The following ZNF90 variants were observed in gnomAD, a reference collection of about 807,000 sequenced individuals.
The protein encoded by ZNF90 is zinc finger protein 90, also known as zinc finger protein HTF9.
A neutral mutation model predicts 12.0 loss-of-function variants in ZNF90; 11 were observed. That is an observed-to-expected ratio of 0.92 (90% CI 0.58 to 1.52). The LOEUF is 1.52. Ranked by LOEUF, ZNF90 falls within the 40% of genes most tolerant of loss-of-function variation. The pLI is 0.00. For missense variants in ZNF90, 765 were observed against 711.5 expected (o/e 1.08, Z -0.86); for synonymous variants, 232 against 240.1 (o/e 0.97, Z 0.31).
intron 3 of ZNF90, among the ~76,000 whole-genome samples, chr19:20,107,325 A>G (rs2089048731): frequency 6.6e-6 from 1 of 152,166 alleles, no homozygotes; most frequent in Non-Finnish European, 1.5e-5. Flanking sequence ...AGCGGGACCA[A>G]GTTGGGTAAA....
intron 1 of ZNF90, among the ~76,000 whole-genome samples, chr19:20,098,019 T>C (rs1244001012): frequency 2.0e-5 from 3 of 152,232 alleles, no homozygotes; most frequent in Non-Finnish European, 4.4e-5. Flanking sequence ...AGTGTAGATT[T>C]CAGGCAACTT....
In ZNF90 at chr19:20,120,561, T is replaced by TA. The variant is rs1555706444; in HGVS notation, c.*1202dup. Among the ~76,000 whole-genome samples, 3 of 152,142 alleles carry TA rather than the reference T, an allele frequency of 2.0e-5. No individual in the cohort carries two copies. Among genetic ancestry groups the TA allele is most frequent in the African/African-American group, 4.8e-5 (2 of 41,442 alleles). On this transcript the variant is annotated 3_prime_UTR_variant, in exon 4 of 4. Transcript: ENST00000418063. ...AGCTTAGAAAACACCAGAGAGTTGATACTAAAATATATGTTTGCAGAAACA... is the reference window on the plus strand; with the variant it reads ...AGCTTAGAAAACACCAGAGAGTTGATAACTAAAATATATGTTTGCAGAAACA...
rs1247840844 is a variant in ZNF90, at chr19:20,119,457, CT to C, written c.*98del. 1 of 976,744 alleles carries C rather than the reference CT, an allele frequency of 1.0e-6. No homozygotes were observed. Among genetic ancestry groups the C allele is most frequent in the Admixed American group, 2.9e-5 (1 of 34,702 alleles). 60.5% of individuals were successfully genotyped at this position (976,744 alleles called of 1,614,324 possible). ...TGGAAAGCCTTTGACCACCCCTCTA[CT>C]CTTACTAAATATGAGAATTTATATG... On this transcript the variant is annotated 3_prime_UTR_variant, in exon 4 of 4. Coordinates refer to ENST00000418063, the MANE Select transcript of ZNF90 (RefSeq NM_007138.2).
chr19:20,100,837 C>T (rs533876092), intron 1 of ZNF90, among the ~76,000 whole-genome samples: 29 of 152,072 alleles, frequency 1.9e-4, no homozygotes, highest in African/African-American at 5.1e-4. Flanking sequence ...AGAGAGCTCA[C>T]GAAAATACCA....
intron 1 of ZNF90, among the ~76,000 whole-genome samples, chr19:20,086,558 G>C (rs1210220598): frequency 6.6e-6 from 1 of 151,984 alleles, no homozygotes; most frequent in Non-Finnish European, 1.5e-5. Context: ...TGAGTACAAA[G>C]CTGCACTACT....
intron 1 of ZNF90, among the ~76,000 whole-genome samples, chr19:20,099,812 C>CT (rs1555703677): frequency 1.3e-5 from 2 of 152,198 alleles, no homozygotes; most frequent in East Asian, 3.9e-4. Context: ...TATACAGACT[C>CT]TAAGTATGCT....
chr19:20,118,905 A>T lies in ZNF90; in HGVS notation c.1351A>T (p.Lys451Ter), dbSNP rs782209051. 3.7e-6 allele frequency: 6 copies of T among 1,613,308 alleles called. No homozygotes were observed. The Admixed American group carries it at 1.0e-4, about 27-fold the overall frequency. ...STHKIIHSGE[K>*]PYKCEECGKA... ...ACATAAGATAATTCATAGTGGAGAG[A>T]AACCCTACAAATGTGAAGAATGTGG... is the stretch of plus-strand genomic sequence containing the variant. Residue 451 changes from lysine (K) to a stop codon, truncating the protein, a stop_gained, in exon 4 of 4, where the codon AAA becomes TAA. Transcript: ENST00000418063. LOFTEE classifies it low-confidence loss of function (END_TRUNC).
intron 1 of ZNF90, among the ~76,000 whole-genome samples, chr19:20,078,871 T>G (rs970834493): frequency 1.5e-4 from 23 of 152,042 alleles, no homozygotes; most frequent in African/African-American, 5.3e-4. Flanking sequence ...GCCTGTAATT[T>G]CAGCACTTTG....
chr19:20,090,072 G>A (rs1392728177), intron 1 of ZNF90, among the ~76,000 whole-genome samples: 3 of 152,216 alleles, frequency 2.0e-5, no homozygotes, highest in African/African-American at 7.2e-5. Flanking sequence ...CTAAGAGGGA[G>A]TTAAGAGTGG....
intron 1 of ZNF90, among the ~76,000 whole-genome samples, chr19:20,078,601 GGTT>G (rs989005419): frequency 1.3e-5 from 2 of 151,356 alleles, no homozygotes; most frequent in African/African-American, 4.9e-5. Flanking sequence ...TGAGGTAAAG[GGTT>G]GTTAGTACAA....
chr19:20,105,410 C>G, intron 3 of ZNF90, 94 bp downstream of exon 3: 1 of 1,038,790 alleles, frequency 9.6e-7, no homozygotes, highest in East Asian at 2.9e-5. Flanking sequence ...ATTTAGGAAG[C>G]TGTGTTCCAA....
intron 1 of ZNF90, chr19:20,079,865 G>A (rs2088807010): frequency 5.0e-6 from 2 of 403,158 alleles, no homozygotes; most frequent in Admixed American, 3.5e-5. Flanking sequence ...TAAGCAAGAA[G>A]CTGCCCTGCT....
chr19:20,101,214 T>C (rs1353997746), intron 1 of ZNF90, among the ~76,000 whole-genome samples: 2 of 152,214 alleles, frequency 1.3e-5, no homozygotes, highest in Non-Finnish European at 2.9e-5. Flanking sequence ...CCTGCATGGC[T>C]AAGTGCTCGG....
At chr19:20,106,563 C>T (rs1451365359) in intron 3 of ZNF90, among the ~76,000 whole-genome samples, 1 of 152,196 alleles carries the variant, frequency 6.6e-6, no homozygotes, top group South Asian at 2.1e-4. Flanking sequence ...ACGCCATTCT[C>T]CTGCCTCAGC....
chr19:20,082,690 A>T (rs1416502160), intron 1 of ZNF90, among the ~76,000 whole-genome samples: 1 of 152,288 alleles, frequency 6.6e-6, no homozygotes, highest in South Asian at 2.1e-4. Flanking sequence ...GTTTTTCCCC[A>T]TGTGATAGTC....
intron 1 of ZNF90, among the ~76,000 whole-genome samples, chr19:20,101,195 G>A (rs549568533): frequency 3.3e-5 from 5 of 152,234 alleles, no homozygotes; most frequent in East Asian, 3.9e-4. Flanking sequence ...CTAAAGGCTC[G>A]CCATTGTTCC....
At position 20,119,751 on chromosome 19, in the gene ZNF90, T is replaced by G. The variant is rs1284052634; in HGVS notation, c.*391T>G. On this transcript the variant is annotated 3_prime_UTR_variant, in exon 4 of 4. Coordinates refer to ENST00000418063, the MANE Select transcript of ZNF90 (RefSeq NM_007138.2). ...TAACCTGCTTCAGCCTCCACCACCA[T>G]GCCCAACTAATTTTTGTATTTTTGG... The G allele has an allele frequency of 6.0e-6, 1 of 166,830 alleles. No homozygotes were observed. Among genetic ancestry groups the G allele is most frequent in the Non-Finnish European group, 1.3e-5 (1 of 76,896 alleles). The allele number at this position is 166,830 out of a possible 1,614,324, so 10.3% of individuals were successfully genotyped here.
At chr19:20,113,303 G>A (rs192852849) in intron 3 of ZNF90, among the ~76,000 whole-genome samples, 1 of 151,618 alleles carries the variant, frequency 6.6e-6, no homozygotes, top group African/African-American at 2.4e-5. Flanking sequence ...CCCTTCTCCT[G>A]CCTCAGCCTT....
At chr19:20,112,409 C>T (rs1555705222) in intron 3 of ZNF90, among the ~76,000 whole-genome samples, 1 of 151,918 alleles carries the variant, frequency 6.6e-6, no homozygotes, top group Admixed American at 6.6e-5. Context: ...GCAGCCTCTG[C>T]CTCCTGGGTT....
Sources: gnomAD v4.1 joint callset for allele counts (sites outside exome capture counted in the v4.1 genomes callset) on GRCh38, gnomAD v4.1.1 for gene constraint, MANE v1.5 for transcripts, NCBI Gene and HGNC (gene_info 2026-07-23, HGNC 2026-07-21) for gene names.